The following PTPRG variants were observed in gnomAD, a reference collection of about 807,000 sequenced individuals.
PTPRG encodes receptor-type tyrosine-protein phosphatase gamma.
Under a neutral mutation model 165.3 loss-of-function variants are expected in PTPRG, and 102 were observed. The observed-to-expected ratio is 0.62, with a 90% CI of 0.53 to 0.73. The LOEUF (loss-of-function observed/expected upper bound fraction) is 0.73, where lower values mean the gene tolerates loss of function less well. Among genes scored for constraint, PTPRG ranks in the 30% least tolerant of loss-of-function variants. The pLI is 0.00. For missense variants in PTPRG, 1,866 were observed against 1,861.4 expected (o/e 1.00, Z -0.05); for synonymous variants, 675 against 669.5 (o/e 1.01, Z -0.13).
rs1576204749 is a variant in PTPRG, at chr3:62,271,608, C to G, written c.3182+53C>G. 2.1e-5 allele frequency: 32 copies of G among 1,522,652 alleles called. No homozygotes were observed. Among genetic ancestry groups the G allele is most frequent in the Non-Finnish European group, 2.8e-5 (31 of 1,121,378 alleles). The allele number at this position is 1,522,652 out of a possible 1,614,324, so 94.3% of individuals were successfully genotyped here. A position where few individuals can be genotyped will look rare whatever the true frequency, so the allele number is the denominator to read the frequency against. On this transcript the variant is annotated intron_variant, in intron 21 of 29. Transcript: ENST00000474889. The surrounding 1 kb of genome is among the most constrained non-coding windows in gnomAD (Gnocchi z 4.1). ...TAGATGGGGCAGGGGACTTAGGCCT[C>G]AGTGACCTTGGACCACAATGATTGC...
chr3:61,692,526 G>A (rs1278787987), intron 1 of PTPRG, among the ~76,000 whole-genome samples: 3 of 152,184 alleles, frequency 2.0e-5, no homozygotes, highest in African/African-American at 7.2e-5. Flanking sequence ...GAGCAGCAAG[G>A]CTGTTTATTT....
chr3:62,277,423 G>A lies in PTPRG; in HGVS notation c.3637-128G>A, dbSNP rs1225434847. On this transcript the variant is annotated intron_variant, in intron 25 of 29. Coordinates refer to ENST00000474889, the MANE Select transcript of PTPRG (RefSeq NM_002841.4). ...CATCTAAAAATTAGCCAAATGTACC[G>A]AATGCCTTTCTCAATTATTTTAGTG... is the stretch of plus-strand genomic sequence containing the variant. 12 of 1,070,926 alleles carry A rather than the reference G, an allele frequency of 1.1e-5. 1 individual carries two copies. The highest frequency in any genetic ancestry group is 9.3e-5 in the South Asian group (6 of 64,548). The allele number at this position is 1,070,926 out of a possible 1,614,324, so 66.3% of individuals were successfully genotyped here. A position where few individuals can be genotyped will look rare whatever the true frequency, so the allele number is the denominator to read the frequency against.
intron 8 of PTPRG, among the ~76,000 whole-genome samples, chr3:62,186,846 C>T (rs993547742): frequency 6.6e-5 from 10 of 152,024 alleles, no homozygotes; most frequent in Non-Finnish European, 1.0e-4. Flanking sequence ...GGATTACAGG[C>T]GTGAGCCACC....
chr3:62,156,994 T>C, intron 6 of PTPRG, 73 bp from the exon 7 acceptor site: 1 of 1,343,782 alleles, frequency 7.4e-7, no homozygotes, highest in Non-Finnish European at 1.1e-6. Context: ...ATGCCGAGGG[T>C]GTTGACTGTG....
rs151306962 is a variant in PTPRG, at chr3:62,058,832, A to G, written c.520-19331A>G. Among the ~76,000 whole-genome samples the G allele has an allele frequency of 6.5e-3, 991 of 152,342 alleles. 16 individuals are homozygous for G. Among genetic ancestry groups the G allele is most frequent in the African/African-American group, 0.023 (945 of 41,574 alleles). On this transcript the variant is annotated intron_variant, in intron 4 of 29. Transcript: ENST00000474889. ...AGAAAACAGAGCCCCAGTGATCTGAACCCACTGAAGTTGAGCTCTACTCCC... is the reference window on the plus strand; with the variant it reads ...AGAAAACAGAGCCCCAGTGATCTGAGCCCACTGAAGTTGAGCTCTACTCCC...
At chr3:62,076,198 G>T (rs1378076132) in intron 4 of PTPRG, among the ~76,000 whole-genome samples, 1 of 152,004 alleles carries the variant, frequency 6.6e-6, no homozygotes, top group Non-Finnish European at 1.5e-5. Flanking sequence ...GAGGTGGGAG[G>T]ATCGCTTGAG....
chr3:61,749,206 G>T, intron 2 of PTPRG: 4 of 640,522 alleles, frequency 6.2e-6, no homozygotes, highest in South Asian at 1.5e-5. Context: ...CTCAATTTGC[G>T]TTTATTTCTG....
intron 2 of PTPRG, among the ~76,000 whole-genome samples, chr3:61,766,094 A>C (rs541811995): frequency 6.6e-6 from 1 of 152,326 alleles, no homozygotes; most frequent in South Asian, 2.1e-4. Flanking sequence ...GTCTACGAGG[A>C]GTTTGAAAAG....
At chr3:62,012,831 C>A (rs1266219416) in intron 4 of PTPRG, among the ~76,000 whole-genome samples, 1 of 152,094 alleles carries the variant, frequency 6.6e-6, no homozygotes. Context: ...GATGGCTGAA[C>A]CTGTAGTAAA....
At chr3:61,847,127 A>G (rs1226449637) in intron 2 of PTPRG, among the ~76,000 whole-genome samples, 1 of 152,126 alleles carries the variant, frequency 6.6e-6, no homozygotes, top group African/African-American at 2.4e-5. Context: ...CTTTGGAAAT[A>G]AGGTTGCTAC....
At chr3:61,937,938 G>GTT (rs397942143) in intron 2 of PTPRG, among the ~76,000 whole-genome samples, 1 of 148,766 alleles carries the variant, frequency 6.7e-6, no homozygotes, top group East Asian at 2.0e-4. Flanking sequence ...TGATCTTGGG[G>GTT]TTTTTTTTTT....
chr3:61,843,162 G>A (rs2036690005), intron 2 of PTPRG, among the ~76,000 whole-genome samples: 1 of 152,024 alleles, frequency 6.6e-6, no homozygotes, highest in Non-Finnish European at 1.5e-5. Context: ...ATTTTGATAA[G>A]CCACAATCCC....
chr3:61,829,299 G>C (rs1448890786), intron 2 of PTPRG, among the ~76,000 whole-genome samples: 1 of 152,254 alleles, frequency 6.6e-6, no homozygotes, highest in Non-Finnish European at 1.5e-5. Flanking sequence ...TTCCCAGACA[G>C]CGTTGTAGTT....
chr3:61,661,056 C>T (rs1487262956), intron 1 of PTPRG, among the ~76,000 whole-genome samples: 9 of 150,970 alleles, frequency 6.0e-5, no homozygotes, highest in African/African-American at 2.0e-4. Flanking sequence ...GACACTTTTT[C>T]CCCCCCTAAT....
intron 5 of PTPRG, among the ~76,000 whole-genome samples, chr3:62,110,328 C>T (rs747864241): frequency 4.6e-5 from 7 of 152,036 alleles, no homozygotes; most frequent in Non-Finnish European, 1.0e-4. Flanking sequence ...TTGTGACCAA[C>T]AGCTATTTTG....
chr3:62,275,762 AC>A, intron 23 of PTPRG, 110 bp from the exon 24 acceptor site: 1 of 756,690 alleles, frequency 1.3e-6, no homozygotes, highest in South Asian at 1.9e-5. Context: ...TCTTTGTGGC[AC>A]AGAAATGGTC....
At chr3:61,621,051 ATGTGTGTGTGTGTGTG>A (rs1173192341) in intron 1 of PTPRG, among the ~76,000 whole-genome samples, 8 of 117,990 alleles carry the variant, frequency 6.8e-5, no homozygotes, top group East Asian at 5.6e-4. Context: ...ATATATATAT[ATGTGTGTGTGTGTGTG>A]TGTGTGTGTG....
chr3:61,996,891 C>T (rs1298730410), intron 3 of PTPRG, among the ~76,000 whole-genome samples: 1 of 152,122 alleles, frequency 6.6e-6, no homozygotes, highest in African/African-American at 2.4e-5. Context: ...CTTTGTTATC[C>T]CCACAGCCTC....
chr3:61,797,918 A>AG lies in PTPRG; in HGVS notation c.190+48936_190+48937insG, dbSNP rs369155449. On this transcript the variant is annotated intron_variant, in intron 2 of 29. Transcript: ENST00000474889. ...AGAGAAGGAGAAAAAAATGAAAAAA[A>AG]CAAGAAGGATGAGGATGAAATTTTT... Among the ~76,000 whole-genome samples, 1,082 of 152,114 alleles carry AG rather than the reference A, an allele frequency of 7.1e-3. 9 individuals carry two copies. Among genetic ancestry groups the AG allele is most frequent in the African/African-American group, 0.024 (991 of 41,476 alleles).
Sources: allele counts gnomAD v4.1 joint callset (sites outside exome capture counted in the v4.1 genomes callset), GRCh38; gene constraint gnomAD v4.1.1; non-coding constraint Gnocchi (gnomAD v3.1); transcripts MANE v1.5; gene names NCBI Gene and HGNC (gene_info 2026-07-23, HGNC 2026-07-21).